RNF149: variants seen among roughly 807,000 people sequenced by gnomAD.
The protein encoded by RNF149 is E3 ubiquitin-protein ligase RNF149.
In RNF149, 21 loss-of-function variants were observed where a neutral mutation model predicts 39.0. That is an observed-to-expected ratio of 0.54 (90% CI 0.38 to 0.77). The LOEUF is 0.77. Among genes scored for constraint, RNF149 ranks in the 30% least tolerant of loss-of-function variants. The pLI, the probability that RNF149 is intolerant of heterozygous loss-of-function variation, is 0.00. For missense variants in RNF149, 493 were observed against 534.9 expected, an observed-to-expected ratio of 0.92 and a Z score of 0.77; for synonymous variants, 209 against 213.6, an observed-to-expected ratio of 0.98 and a Z score of 0.19.
At chr2:101,286,661 G>C (rs1405967858) in intron 4 of RNF149, among the ~76,000 whole-genome samples, 2 of 151,930 alleles carry the variant, frequency 1.3e-5, no homozygotes, top group African/African-American at 4.8e-5. Context: ...TTTCTATAAT[G>C]AACACCTATC....
intron 1 of RNF149, among the ~76,000 whole-genome samples, chr2:101,300,817 T>A (rs572968676): frequency 3.0e-4 from 46 of 152,216 alleles, no homozygotes; most frequent in Non-Finnish European, 6.2e-4. Flanking sequence ...GGGGATGAAC[T>A]GGAGGCAGGG....
At position 101,300,297 on chromosome 2, in the gene RNF149, G is replaced by A. The variant is rs143348120; in HGVS notation, c.461-5116C>T. ...ACTAAGATACATGTAAAGGTACCTT[G>A]TTGAATAAATGAACAGATGAGTGGG... is the stretch of plus-strand genomic sequence containing the variant. On this transcript the variant is annotated intron_variant, in intron 1 of 6. Coordinates refer to ENST00000295317, the MANE Select transcript of RNF149 (RefSeq NM_173647.4). 6.3e-3 allele frequency among the ~76,000 whole-genome samples: 953 copies of A among 152,222 alleles called. 4 individuals are homozygous for A. The highest frequency in any genetic ancestry group is 0.022 in the African/African-American group (911 of 41,514).
downstream of RNF149, among the ~76,000 whole-genome samples, chr2:101,275,035 TCCTC>T (rs1210964066): frequency 1.3e-5 from 2 of 150,052 alleles, no homozygotes; most frequent in African/African-American, 4.9e-5. Flanking sequence ...CCTCAGGTGA[TCCTC>T]CCACCTTGGC....
intron 3 of RNF149, among the ~76,000 whole-genome samples, chr2:101,293,334 T>C (rs886146021): frequency 2.9e-4 from 44 of 152,156 alleles, no homozygotes; most frequent in African/African-American, 1.0e-3. Context: ...AAGTCATAGC[T>C]GCAAGTCAAC....
rs1682372697 is a variant in RNF149, at chr2:101,277,077, G to C, written c.*161C>G. 7.2e-7 allele frequency: 1 copy of C among 1,391,856 alleles called. No individual in the cohort carries two copies. The highest frequency in any genetic ancestry group is 2.8e-5 in the East Asian group (1 of 36,020). 86.2% of individuals were successfully genotyped at this position (1,391,856 alleles called of 1,614,324 possible). A position where few individuals can be genotyped will look rare whatever the true frequency, so the allele number is the denominator to read the frequency against. The stretch of plus-strand genomic sequence containing the variant: ...AGGACTAATCGAAAAGTCTCTTCAA[G>C]AAGAAAATATCTTAGTCCTTTGTAT... On this transcript the variant is annotated 3_prime_UTR_variant, in exon 7 of 7. Coordinates refer to ENST00000295317, the MANE Select transcript of RNF149 (RefSeq NM_173647.4).
chr2:101,281,802 G>A, intron 6 of RNF149, 57 bp downstream of exon 6: 2 of 1,597,564 alleles, frequency 1.3e-6, no homozygotes, highest in Non-Finnish European at 1.7e-6. Context: ...GAGATTACAG[G>A]TGTGAGCCAC....
At chr2:101,306,275 G>A (rs1265203399) in intron 1 of RNF149, among the ~76,000 whole-genome samples, 1 of 152,194 alleles carries the variant, frequency 6.6e-6, no homozygotes, top group Non-Finnish European at 1.5e-5. Context: ...GGGTGTATAA[G>A]AACCCAGCAT....
At chr2:101,307,392 T>A (rs1484649765) in intron 1 of RNF149, among the ~76,000 whole-genome samples, 1 of 152,172 alleles carries the variant, frequency 6.6e-6, no homozygotes, top group Non-Finnish European at 1.5e-5. Flanking sequence ...TTGGCCAGGC[T>A]GGTCTCACAC....
At chr2:101,275,423 T>TA (rs1220883282), downstream of RNF149, among the ~76,000 whole-genome samples, 2 of 107,030 alleles carry the variant, frequency 1.9e-5, no homozygotes, top group African/African-American at 7.0e-5. Context: ...GGCCCTCCCC[T>TA]AGTATTTCTT....
chr2:101,278,397 C>T (rs1363914977), intron 6 of RNF149, among the ~76,000 whole-genome samples: 3 of 152,156 alleles, frequency 2.0e-5, no homozygotes, highest in Admixed American at 2.0e-4. Flanking sequence ...TGCCACCCTA[C>T]CTCCAAAAGT....
chr2:101,282,377 C>G (rs1682626356), intron 5 of RNF149, among the ~76,000 whole-genome samples: 1 of 152,082 alleles, frequency 6.6e-6, no homozygotes, highest in Non-Finnish European at 1.5e-5. Flanking sequence ...GGATTTGAGG[C>G]CATAGCCATG....
At chr2:101,273,456 A>T (rs909857347), downstream of RNF149, 1 of 416,620 alleles carries the variant, frequency 2.4e-6, no homozygotes, top group Non-Finnish European at 4.8e-6. Flanking sequence ...TTTCAGCAAA[A>T]ACTCTTGTAA....
At chr2:101,292,497 T>C (rs1683052146) in intron 3 of RNF149, among the ~76,000 whole-genome samples, 1 of 152,248 alleles carries the variant, frequency 6.6e-6, no homozygotes, top group South Asian at 2.1e-4. Flanking sequence ...CCGGGCGTGG[T>C]GGCTCACGCC....
chr2:101,281,257 A>G (rs1487235859), intron 6 of RNF149, among the ~76,000 whole-genome samples: 1 of 152,162 alleles, frequency 6.6e-6, no homozygotes, highest in Non-Finnish European at 1.5e-5. Flanking sequence ...TCTATTTATC[A>G]ACATAGAAAG....
In RNF149 at chr2:101,307,914, G is replaced by A. The variant is rs143386388; in HGVS notation, c.460+215C>T. The A allele has an allele frequency of 7.6e-4, 751 of 985,410 alleles. 9 individuals carry two copies. The African/African-American group carries it at 0.012, about 16-fold the overall frequency. 61.0% of individuals were successfully genotyped at this position (985,410 alleles called of 1,614,324 possible). A position where few individuals can be genotyped will look rare whatever the true frequency, so the allele number is the denominator to read the frequency against. ...TCCCTTCACCTCATCGATCAAAGGC[G>A]AAGATCACATCTTGTCCGCAGACTT... On this transcript the variant is annotated intron_variant, in intron 1 of 6. Coordinates refer to ENST00000295317, the MANE Select transcript of RNF149 (RefSeq NM_173647.4).
chr2:101,275,431 C>CTTT (rs59154104), downstream of RNF149, among the ~76,000 whole-genome samples: 788 of 26,618 alleles, frequency 0.03, 203 homozygotes, highest in East Asian at 0.064. Flanking sequence ...CCTAGTATTT[C>CTTT]TTTTTTTTTT....
intron 1 of RNF149, among the ~76,000 whole-genome samples, chr2:101,296,260 CATA>C (rs1683229084): frequency 6.6e-6 from 1 of 151,856 alleles, no homozygotes; most frequent in Non-Finnish European, 1.5e-5. Flanking sequence ...GCTCTGAAGG[CATA>C]AGCAGACATG....
intron 5 of RNF149, among the ~76,000 whole-genome samples, chr2:101,283,633 T>A (rs1010728978): frequency 2.0e-5 from 3 of 152,196 alleles, no homozygotes; most frequent in African/African-American, 7.2e-5. Context: ...GACAGTAAGT[T>A]TCTGAGGTCT....
chr2:101,296,683 T>G (rs1174962102), intron 1 of RNF149, among the ~76,000 whole-genome samples: 1 of 152,200 alleles, frequency 6.6e-6, no homozygotes, highest in African/African-American at 2.4e-5. Context: ...CTGCATCCAT[T>G]TCTCACAACT....
Sources: allele counts gnomAD v4.1 joint callset (sites outside exome capture counted in the v4.1 genomes callset), GRCh38; gene constraint gnomAD v4.1.1; transcripts MANE v1.5; gene names NCBI Gene and HGNC (gene_info 2026-07-23, HGNC 2026-07-21).